The following GLE1 variants were observed in gnomAD, a reference collection of about 807,000 sequenced individuals.
GLE1 encodes GLE1 RNA export mediator, also known as mRNA export factor GLE1.
In GLE1, 78 loss-of-function variants were observed where a neutral mutation model predicts 97.3. That is an observed-to-expected ratio of 0.80 (90% confidence interval 0.67 to 0.97). The LOEUF is 0.97. Among genes scored for constraint, GLE1 ranks in the 50% least tolerant of loss-of-function variants. The probability of loss-of-function intolerance (pLI) is 0.00; values close to 1 mark genes in which losing one functional copy is unlikely to be tolerated. For synonymous variants in GLE1, 302 were observed against 313.4 expected (o/e 0.96, Z 0.39); for missense variants, 753 against 857.5 (o/e 0.88, Z 1.52).
chr9:128,508,007 C>T (rs1315054389), intron 1 of GLE1, among the ~76,000 whole-genome samples: 2 of 151,958 alleles, frequency 1.3e-5, no homozygotes, highest in African/African-American at 2.4e-5. Flanking sequence ...TGGAGAAAAC[C>T]CCGTATCTAC....
intron 6 of GLE1, 95 bp downstream of exon 6, chr9:128,523,941 C>CT (rs2132460096): frequency 8.4e-7 from 1 of 1,185,074 alleles, no homozygotes; most frequent in East Asian, 2.4e-5. Context: ...TACCTGCTAT[C>CT]TGCTTATTGG....
rs769750490 is a variant in GLE1, at chr9:128,523,327, G to A, written c.629G>A (p.Arg210His). 1.9e-5 allele frequency: 31 copies of A among 1,612,858 alleles called. No individual in the cohort carries two copies. The highest frequency in any genetic ancestry group is 3.3e-4 in the Middle Eastern group (2 of 6,084). ...CAAGAGAAGCTAAAAGCTGAGCACC[G>A]TCACAGAGCAAAGGTCAGAGCCTGG... ...GHQEKLKAEH[R>H]HRAKILNLKL... The change falls in exon 5 of 16, where the codon CGT becomes CAT. Residue 210 changes from arginine to histidine, a missense_variant. Arg to His is a conservative substitution (Grantham distance 29, BLOSUM62 0). Coordinates refer to ENST00000309971, the MANE Select transcript of GLE1 (RefSeq NM_001003722.2).
Position 128,504,902 on chromosome 9 carries a change from G to T in GLE1, c.97G>T (p.Glu33Ter), listed in dbSNP as rs1427139632. Residue 33 changes from glutamate (E) to a stop codon, truncating the protein, a stop_gained and splice_region_variant, in exon 1 of 16, where the codon GAG becomes TAG. Coordinates refer to ENST00000309971, the MANE Select transcript of GLE1 (RefSeq NM_001003722.2). LOFTEE classifies it high-confidence loss of function. Reference sequence around the variant, plus strand: ...CTACCGCGACTGGCTGCTGCGGCGCGAGGTGAGCGGTGGCCCCGGAGGACG... The same window carrying T: ...CTACCGCGACTGGCTGCTGCGGCGCTAGGTGAGCGGTGGCCCCGGAGGACG... ...CYYRDWLLRREDVLEECMSLP... is the reference protein window; with the variant it reads ...CYYRDWLLRR 1.2e-6 allele frequency: 2 copies of T among 1,603,048 alleles called. No individual in the cohort carries two copies. Among genetic ancestry groups the T allele is most frequent in the Non-Finnish European group, 1.7e-6 (2 of 1,170,156 alleles).
At chr9:128,533,986 G>C in intron 11 of GLE1, 35 bp downstream of exon 11, 2 of 1,270,312 alleles carry the variant, frequency 1.6e-6, no homozygotes, top group Non-Finnish European at 2.3e-6. Context: ...ACTATCCCTA[G>C]AGTGATTAAT....
At chr9:128,506,065 G>GCC (rs1302835911) in intron 1 of GLE1, among the ~76,000 whole-genome samples, 6 of 152,074 alleles carry the variant, frequency 3.9e-5, no homozygotes, top group Non-Finnish European at 8.8e-5. Flanking sequence ...CACATGCAAG[G>GCC]CTAGGCGTGG....
Position 128,515,533 on chromosome 9 carries a change from A to G in GLE1, c.326A>G (p.Lys109Arg). 6.4e-7 allele frequency: 1 copy of G among 1,566,700 alleles called. No homozygotes were observed. Among genetic ancestry groups the G allele is most frequent in the Non-Finnish European group, 8.8e-7 (1 of 1,136,648 alleles). ...TTCCATTTTCTGCTCATATAGGGCA[A>G]AGATGAGTCCCAGCACACAGAATCT... Reference protein sequence around the residue: ...SPATPNGTKGKDESQHTESMV... With the variant: ...SPATPNGTKGRDESQHTESMV... The change falls in exon 3 of 16, where the codon AAA (lysine) becomes AGA (arginine). Residue 109 changes from lysine to arginine, a missense_variant. Coordinates refer to ENST00000309971, the MANE Select transcript of GLE1 (RefSeq NM_001003722.2).
chr9:128,515,799 G>A (rs1846968823), intron 3 of GLE1, among the ~76,000 whole-genome samples, 160 bp downstream of exon 3: 1 of 152,100 alleles, frequency 6.6e-6, no homozygotes, highest in African/African-American at 2.4e-5. Context: ...GTGCTCTGAA[G>A]TCAAGTCTGG....
At chr9:128,517,339 T>C (rs1463788865) in intron 3 of GLE1, among the ~76,000 whole-genome samples, 3 of 152,070 alleles carry the variant, frequency 2.0e-5, no homozygotes, top group Non-Finnish European at 4.4e-5. Flanking sequence ...TCTTGCCTCA[T>C]TGGTCATTGA....
chr9:128,509,948 G>A (rs1368510831), intron 2 of GLE1, among the ~76,000 whole-genome samples: 2 of 135,156 alleles, frequency 1.5e-5, no homozygotes, highest in African/African-American at 5.0e-5. Flanking sequence ...AACAGAGTGA[G>A]TCCCTATCTC....
intron 9 of GLE1, among the ~76,000 whole-genome samples, chr9:128,529,922 G>A (rs1847436801): frequency 6.6e-6 from 1 of 152,126 alleles, no homozygotes; most frequent in East Asian, 1.9e-4. Context: ...GACTGCAGGC[G>A]CCTGCCACCA....
At chr9:128,523,122 T>C (rs1589055469) in intron 4 of GLE1, among the ~76,000 whole-genome samples, 158 bp from the exon 5 acceptor site, 1 of 151,966 alleles carries the variant, frequency 6.6e-6, no homozygotes, top group African/African-American at 2.4e-5. Flanking sequence ...GAGGCTGTGG[T>C]GAGCTATGCT....
At position 128,541,903 on chromosome 9, in the gene GLE1, CTT is replaced by C. The variant is rs1338709257; in HGVS notation, c.*736_*737del. On this transcript the variant is annotated 3_prime_UTR_variant, in exon 16 of 16. Coordinates refer to ENST00000309971, the MANE Select transcript of GLE1 (RefSeq NM_001003722.2). ...TTTTTGTTTTTGTTTTGTTTTGTTT[CTT>C]TTCTGTTTGAATTAAGATGGGCTAA... 6.6e-6 allele frequency: 1 copy of C among 152,144 alleles called. No individual in the cohort carries two copies. The highest frequency in any genetic ancestry group is 1.9e-4 in the East Asian group (1 of 5,196). 9.4% of individuals were successfully genotyped at this position (152,144 alleles called of 1,614,324 possible).
intron 1 of GLE1, among the ~76,000 whole-genome samples, chr9:128,508,034 G>A (rs2132401781): frequency 6.6e-6 from 1 of 152,014 alleles, no homozygotes; most frequent in South Asian, 2.1e-4. Context: ...TACAAAATTA[G>A]CCAGGCATGG....
At chr9:128,529,315 G>C (rs1188285510) in intron 9 of GLE1, among the ~76,000 whole-genome samples, 1 of 152,086 alleles carries the variant, frequency 6.6e-6, no homozygotes, top group Non-Finnish European at 1.5e-5. Flanking sequence ...CTCCACCACT[G>C]CACAGTGACA....
intron 12 of GLE1, 85 bp downstream of exon 12, chr9:128,536,569 T>C (rs1000539196): frequency 3.9e-5 from 47 of 1,206,782 alleles, no homozygotes; most frequent in Non-Finnish European, 2.5e-6. Flanking sequence ...TTGGCCTTCT[T>C]TCAGAGAGCC....
intron 2 of GLE1, among the ~76,000 whole-genome samples, chr9:128,513,363 A>C (rs1196265953): frequency 6.6e-6 from 1 of 152,082 alleles, no homozygotes; most frequent in East Asian, 1.9e-4. Context: ...CCCTGGACTC[A>C]GCATCTTCTT....
intron 3 of GLE1, among the ~76,000 whole-genome samples, chr9:128,518,237 TCAGA>T (rs1847041398): frequency 6.6e-6 from 1 of 151,946 alleles, no homozygotes; most frequent in African/African-American, 2.4e-5. Flanking sequence ...GGAAGGATTG[TCAGA>T]CAATTTGCAG....
chr9:128,534,994 G>A (rs1200798896), intron 11 of GLE1, among the ~76,000 whole-genome samples: 2 of 151,918 alleles, frequency 1.3e-5, no homozygotes, highest in African/African-American at 4.8e-5. Context: ...TGGGATTACA[G>A]GCGTGAGCCA....
intron 9 of GLE1, among the ~76,000 whole-genome samples, chr9:128,532,169 C>T (rs914211764): frequency 4.2e-5 from 6 of 143,988 alleles, no homozygotes; most frequent in Middle Eastern, 3.6e-3. Flanking sequence ...ACATTGACTT[C>T]AGGACTTCAG....
Sources: gnomAD v4.1 joint callset for allele counts (sites outside exome capture counted in the v4.1 genomes callset) on GRCh38, gnomAD v4.1.1 for gene constraint, MANE v1.5 for transcripts, NCBI Gene and HGNC (gene_info 2026-07-23, HGNC 2026-07-21) for gene names.